TLK1: variants seen among roughly 807,000 people sequenced by gnomAD.
TLK1 encodes serine/threonine-protein kinase tousled-like 1.
In TLK1, 24 loss-of-function variants were observed where a neutral mutation model predicts 105.3. The observed-to-expected ratio is 0.23, with a 90% CI of 0.17 to 0.32. The LOEUF (loss-of-function observed/expected upper bound fraction) is 0.32, where lower values mean the gene tolerates loss of function less well. Among genes scored for constraint, TLK1 ranks in the 10% least tolerant of loss-of-function variants. TLK1 has a pLI of 1.00. For missense variants in TLK1, 558 were observed against 910.5 expected (o/e 0.61, Z 4.98); for synonymous variants, 321 against 310.4 (o/e 1.03, Z -0.36).
intron 18 of TLK1, among the ~76,000 whole-genome samples, chr2:171,003,576 C>T (rs1370606606): frequency 6.6e-6 from 1 of 152,094 alleles, no homozygotes; most frequent in Admixed American, 6.6e-5. Flanking sequence ...TTGAGAATCA[C>T]GAGAGATTAC....
At chr2:171,121,730 T>C (rs1055932455) in intron 1 of TLK1, among the ~76,000 whole-genome samples, 1 of 152,318 alleles carries the variant, frequency 6.6e-6, no homozygotes, top group East Asian at 1.9e-4. Flanking sequence ...AAATTTACCA[T>C]GGAAGATGAG....
chr2:171,140,265 T>TG lies in TLK1; in HGVS notation c.139+20024dup, dbSNP rs200989210. Among the ~76,000 whole-genome samples the TG allele has an allele frequency of 2.4e-3, 362 of 152,344 alleles. 4 individuals are homozygous for TG. The highest frequency in any genetic ancestry group is 8.5e-3 in the African/African-American group (354 of 41,572). The stretch of plus-strand genomic sequence containing the variant: ...AAGGACTTTCTCCTTCCAGTAATGG[T>TG]GATCAGGTCATCAAACCAATCTTCT... On this transcript the variant is annotated intron_variant, in intron 1 of 20. Transcript: ENST00000431350.
intron 1 of TLK1, among the ~76,000 whole-genome samples, chr2:171,190,806 T>G (rs1238577420): frequency 6.6e-6 from 1 of 152,230 alleles, no homozygotes; most frequent in African/African-American, 2.4e-5. Context: ...TATTTATCAG[T>G]TTTTAAAATC....
chr2:171,155,799 T>TC (rs1277252551), intron 1 of TLK1: 9 of 152,218 alleles, frequency 5.9e-5, no homozygotes, highest in African/African-American at 2.2e-4. Context: ...GTCATACAGT[T>TC]CTTACATTCT....
chr2:171,033,788 T>C (rs1219250558), intron 11 of TLK1, among the ~76,000 whole-genome samples: 1 of 149,300 alleles, frequency 6.7e-6, no homozygotes, highest in African/African-American at 2.5e-5. Flanking sequence ...AATAAAAAAC[T>C]TCTGTACATC....
chr2:171,168,053 G>C (rs868657514), intron 1 of TLK1, among the ~76,000 whole-genome samples: 1 of 151,824 alleles, frequency 6.6e-6, no homozygotes, highest in African/African-American at 2.4e-5. Flanking sequence ...CACATTAAGA[G>C]GGAAAAACAA....
At chr2:171,027,592 T>C (rs1685834927) in intron 12 of TLK1, among the ~76,000 whole-genome samples, 1 of 152,214 alleles carries the variant, frequency 6.6e-6, no homozygotes, top group South Asian at 2.1e-4. Context: ...ACATCACACA[T>C]GCAACAAATT....
At chr2:171,203,341 A>G (rs756441825) in intron 1 of TLK1, among the ~76,000 whole-genome samples, 1 of 152,192 alleles carries the variant, frequency 6.6e-6, no homozygotes, top group Non-Finnish European at 1.5e-5. Context: ...ATTAAACAAC[A>G]GCTCTCCATA....
chr2:171,170,680 C>T (rs564359795), intron 1 of TLK1, among the ~76,000 whole-genome samples: 10 of 152,210 alleles, frequency 6.6e-5, no homozygotes, highest in Non-Finnish European at 1.5e-4. Context: ...CTGCAGGGAG[C>T]GTAGCTGCCC....
chr2:171,082,875 T>C lies in TLK1; in HGVS notation c.259-23A>G, dbSNP rs550940584. ...GGCCTGTTAAAGATTTTTTAAAAGG[T>C]AAAAATTAGGAGTAATTTTTTTAAA... is the stretch of plus-strand genomic sequence containing the variant. On this transcript the variant is annotated intron_variant, in intron 2 of 20. Transcript: ENST00000431350. The C allele has an allele frequency of 8.5e-5, 132 of 1,560,846 alleles. No individual in the cohort carries two copies. The East Asian group carries it at 3.0e-3, about 35-fold the overall frequency.
Position 170,999,230 on chromosome 2 carries a change from T to A in TLK1, c.1905-1407A>T, listed in dbSNP as rs556147009. ...GCTCAATGGGAATTTACTATTTTTT[T>A]TAAAAAATGCAGTTTTGTATTCACT... On this transcript the variant is annotated intron_variant, in intron 18 of 20. Transcript: ENST00000431350. Among the ~76,000 whole-genome samples, 31 of 152,306 alleles carry A rather than the reference T, an allele frequency of 2.0e-4. No homozygotes were observed. The Middle Eastern group carries it at 0.01, about 50-fold the overall frequency.
At chr2:171,066,500 T>C (rs575906559) in intron 3 of TLK1, among the ~76,000 whole-genome samples, 1 of 152,304 alleles carries the variant, frequency 6.6e-6, no homozygotes, top group Admixed American at 6.5e-5. Context: ...GGACTCTATT[T>C]ACACATGCAC....
chr2:171,047,613 A>G (rs1168898920), intron 10 of TLK1, among the ~76,000 whole-genome samples: 1 of 152,224 alleles, frequency 6.6e-6, no homozygotes, highest in Non-Finnish European at 1.5e-5. Context: ...TCCGGTTTTC[A>G]TTTAGAAGCA....
chr2:170,993,836 T>A lies in TLK1; in HGVS notation c.2245A>T (p.Met749Leu), dbSNP rs766484529. 6.2e-7 allele frequency: 1 copy of A among 1,613,036 alleles called. No individual in the cohort carries two copies. The highest frequency in any genetic ancestry group is 1.1e-5 in the South Asian group (1 of 90,850). ...GTAGGGGATGCTGTCAGCCCAGCCA[T>A]GTGTAGGTTTCCTGAAGAATTTGAT... ...RRSNSSGNLH[M>L]AGLTASPTPP... The change falls in exon 21 of 21, where the codon ATG (methionine) becomes TTG (leucine). Residue 749 changes from methionine to leucine, a missense_variant. By Grantham distance (15) the Met-to-Leu change is conservative. Around this residue, in one of 5 missense-constraint regions of TLK1, gnomAD observed 27 missense variants for 22.5 expected, o/e 1.20. Transcript: ENST00000431350.
chr2:171,188,363 T>A (rs11896730), intron 1 of TLK1, among the ~76,000 whole-genome samples: 13,035 of 151,838 alleles, frequency 0.086, 1,143 homozygotes, highest in East Asian at 0.29. Flanking sequence ...TAAGGTCAGG[T>A]GTTCAAGACC....
intron 1 of TLK1, among the ~76,000 whole-genome samples, chr2:171,122,153 G>T (rs1470558158): frequency 6.6e-6 from 1 of 151,384 alleles, no homozygotes; most frequent in African/African-American, 2.4e-5. Context: ...CACCATGTTG[G>T]CCAGGATGCA....
At chr2:171,090,595 G>A (rs1689187215) in intron 2 of TLK1, among the ~76,000 whole-genome samples, 1 of 151,968 alleles carries the variant, frequency 6.6e-6, no homozygotes, top group African/African-American at 2.4e-5. Flanking sequence ...CAAATCCTTG[G>A]GATTTTCCTA....
At chr2:171,194,968 G>C (rs1005474938) in intron 1 of TLK1, among the ~76,000 whole-genome samples, 7 of 152,126 alleles carry the variant, frequency 4.6e-5, no homozygotes, top group Non-Finnish European at 7.4e-5. Context: ...CTCATTCACT[G>C]CTCCTTTTCT....
At chr2:171,035,968 G>C (rs1286398498) in intron 11 of TLK1, among the ~76,000 whole-genome samples, 1 of 152,192 alleles carries the variant, frequency 6.6e-6, no homozygotes, top group African/African-American at 2.4e-5. Flanking sequence ...GTCCGTGATC[G>C]CTAAAACGGT....
Sources: allele counts gnomAD v4.1 joint callset (sites outside exome capture counted in the v4.1 genomes callset), GRCh38; gene constraint gnomAD v4.1.1; regional missense constraint gnomAD v4.1.1; transcripts MANE v1.5; gene names NCBI Gene and HGNC (gene_info 2026-07-23, HGNC 2026-07-21).